Variants in ZMAT4 observed in about 807,000 individuals in gnomAD.
ZMAT4 encodes zinc finger matrin-type 4.
ZMAT4 carries 17 observed loss-of-function variants against 28.7 expected under a neutral mutation model. That is an observed-to-expected ratio of 0.59 (90% CI 0.41 to 0.89). The LOEUF is 0.89. Among genes scored for constraint, ZMAT4 ranks in the 40% least tolerant of loss-of-function variants. ZMAT4 has a pLI of 0.00. For synonymous variants in ZMAT4, 117 were observed against 109.2 expected (o/e 1.07, Z -0.44); for missense variants, 240 against 283.8 (o/e 0.85, Z 1.11).
intron 5 of ZMAT4, among the ~76,000 whole-genome samples, chr8:40,637,574 C>T (rs2118748977): frequency 6.6e-6 from 1 of 152,314 alleles, no homozygotes; most frequent in East Asian, 1.9e-4. Context: ...AACATAAATT[C>T]CCCAATGCCA....
chr8:40,587,838 G>A (rs987067301), intron 5 of ZMAT4, among the ~76,000 whole-genome samples: 11 of 151,934 alleles, frequency 7.2e-5, no homozygotes, highest in Non-Finnish European at 1.0e-4. Context: ...AGACAAAAAG[G>A]AAGATCAAAT....
intron 4 of ZMAT4, among the ~76,000 whole-genome samples, chr8:40,693,433 C>G (rs1451477674): frequency 1.3e-5 from 2 of 152,170 alleles, no homozygotes; most frequent in South Asian, 2.1e-4. Flanking sequence ...TCATCAATCT[C>G]TATCCCAGGC....
chr8:40,853,231 G>T (rs546025177), intron 1 of ZMAT4, among the ~76,000 whole-genome samples: 1 of 152,274 alleles, frequency 6.6e-6, no homozygotes, highest in Non-Finnish European at 1.5e-5. Flanking sequence ...ATATTAAAAA[G>T]ATGTGTTTTC....
Position 40,710,630 on chromosome 8 carries a change from A to G in ZMAT4, c.193-13229T>C, listed in dbSNP as rs527356863. ...CAGCCTTTTGTGGGGGGAAAAAAAA[A>G]AAGACTAATTCTAAGAAGTGTGCCA... On this transcript the variant is annotated intron_variant, in intron 3 of 6. Coordinates refer to ENST00000297737, the MANE Select transcript of ZMAT4 (RefSeq NM_024645.3). Among the ~76,000 whole-genome samples, 4 of 152,232 alleles carry G rather than the reference A, an allele frequency of 2.6e-5. No homozygotes were observed. The East Asian group carries it at 5.8e-4, about 22-fold the overall frequency.
At chr8:40,871,795 C>A (rs1461775124) in intron 1 of ZMAT4, among the ~76,000 whole-genome samples, 1 of 152,202 alleles carries the variant, frequency 6.6e-6, no homozygotes, top group African/African-American at 2.4e-5. Flanking sequence ...TCTTCCACCA[C>A]GTGGCTCATT....
rs190888345 is a variant in ZMAT4, at chr8:40,571,221, G to A, written c.674+9944C>T. Among the ~76,000 whole-genome samples the A allele has an allele frequency of 9.1e-3, 1,392 of 152,136 alleles. 11 individuals are homozygous for A. Among genetic ancestry groups the A allele is most frequent in the Non-Finnish European group, 0.014 (961 of 67,994 alleles). ...CTCCCCATTTAGTTCTTTTCAAGTC[G>A]GCAAAACACCTCATCTAGTCACATA... On this transcript the variant is annotated intron_variant, in intron 6 of 6. Transcript: ENST00000297737.
At chr8:40,787,096 A>G (rs1203547080) in intron 2 of ZMAT4, among the ~76,000 whole-genome samples, 1 of 152,246 alleles carries the variant, frequency 6.6e-6, no homozygotes, top group South Asian at 2.1e-4. Context: ...TGTCCCAATC[A>G]ATTTTAACAC....
At chr8:40,580,098 C>T (rs890093207) in intron 6 of ZMAT4, among the ~76,000 whole-genome samples, 1 of 150,430 alleles carries the variant, frequency 6.6e-6, no homozygotes, top group African/African-American at 2.4e-5. Flanking sequence ...CTGCAATCTC[C>T]ACCTCCCAGG....
chr8:40,767,497 T>C (rs1384088904), intron 3 of ZMAT4, 144 bp downstream of exon 3: 1 of 659,120 alleles, frequency 1.5e-6, no homozygotes, highest in South Asian at 2.4e-5. Context: ...ATATATATCA[T>C]AGTACCTGTA....
At chr8:40,748,885 C>T (rs557061095) in intron 3 of ZMAT4, among the ~76,000 whole-genome samples, 2 of 152,116 alleles carry the variant, frequency 1.3e-5, no homozygotes, top group Non-Finnish European at 2.9e-5. Flanking sequence ...TAAATCTCAA[C>T]TTGAACTGTG....
chr8:40,816,786 C>T (rs1815558234), intron 2 of ZMAT4, among the ~76,000 whole-genome samples: 1 of 152,126 alleles, frequency 6.6e-6, no homozygotes, highest in Non-Finnish European at 1.5e-5. Flanking sequence ...AGTGTTTGGT[C>T]AAGTTTTTCA....
At chr8:40,699,341 A>G (rs1273874419) in intron 3 of ZMAT4, among the ~76,000 whole-genome samples, 2 of 152,156 alleles carry the variant, frequency 1.3e-5, no homozygotes, top group Non-Finnish European at 2.9e-5. Flanking sequence ...TTTGAGGGAT[A>G]CAAGTGCAGT....
chr8:40,847,904 A>C (rs1377584811), intron 1 of ZMAT4, among the ~76,000 whole-genome samples: 1 of 152,162 alleles, frequency 6.6e-6, no homozygotes, highest in Non-Finnish European at 1.5e-5. Flanking sequence ...AGAGAGTGCT[A>C]ACCTACCCAC....
At chr8:40,750,824 A>G (rs1812425819) in intron 3 of ZMAT4, among the ~76,000 whole-genome samples, 1 of 152,250 alleles carries the variant, frequency 6.6e-6, no homozygotes. Flanking sequence ...AAACACCAGC[A>G]TTGGAAATTA....
At chr8:40,824,912 G>A (rs999820658) in intron 2 of ZMAT4, among the ~76,000 whole-genome samples, 3 of 152,048 alleles carry the variant, frequency 2.0e-5, no homozygotes, top group African/African-American at 7.2e-5. Flanking sequence ...CTCATCCTCG[G>A]ACACAGGCCA....
intron 1 of ZMAT4, among the ~76,000 whole-genome samples, chr8:40,859,575 C>G (rs768921572): frequency 2.6e-5 from 4 of 152,168 alleles, no homozygotes; most frequent in Non-Finnish European, 5.9e-5. Context: ...ATAAGCAAGA[C>G]AACCCCAATT....
chr8:40,826,259 T>C (rs974026080), intron 1 of ZMAT4, among the ~76,000 whole-genome samples: 4 of 152,154 alleles, frequency 2.6e-5, no homozygotes, highest in African/African-American at 7.2e-5. Context: ...GGCTTCCAAA[T>C]CCAAATTCAG....
chr8:40,842,729 G>A (rs1314581622), intron 1 of ZMAT4, among the ~76,000 whole-genome samples: 2 of 152,154 alleles, frequency 1.3e-5, no homozygotes, highest in Non-Finnish European at 2.9e-5. Context: ...TGACATGGCT[G>A]GTCCTTGTCT....
chr8:40,746,226 TCCCTCCCTCC>T (rs1812209958), intron 3 of ZMAT4, among the ~76,000 whole-genome samples: 1 of 4,890 alleles, frequency 2.0e-4, no homozygotes, highest in Non-Finnish European at 1.8e-3. Context: ...CCTCCTTCCC[TCCCTCCCTCC>T]CTCCCTCCCT....
Sources: allele counts gnomAD v4.1 joint callset (sites outside exome capture counted in the v4.1 genomes callset), GRCh38; gene constraint gnomAD v4.1.1; transcripts MANE v1.5; gene names NCBI Gene and HGNC (gene_info 2026-07-23, HGNC 2026-07-21).